KIF2A: variants seen among roughly 807,000 people sequenced by gnomAD.
KIF2A encodes kinesin family member 2A, also known as kinesin-like protein KIF2A.
Under a neutral mutation model 100.2 loss-of-function variants are expected in KIF2A, and 22 were observed. That is an observed-to-expected ratio of 0.22 (90% CI 0.16 to 0.31). The LOEUF (loss-of-function observed/expected upper bound fraction) is 0.31, where lower values mean the gene tolerates loss of function less well. KIF2A is among the 10% of genes least tolerant of loss of function. The probability of loss-of-function intolerance (pLI) is 1.00; values close to 1 mark genes in which losing one functional copy is unlikely to be tolerated. For missense variants in KIF2A, 495 were observed against 898.7 expected, an observed-to-expected ratio of 0.55 and a Z score of 5.74; for synonymous variants, 268 against 285.9, an observed-to-expected ratio of 0.94 and a Z score of 0.63.
intron 1 of KIF2A, among the ~76,000 whole-genome samples, chr5:62,312,594 GGATAAAACTAATTTT>G (rs539506751): frequency 6.6e-6 from 1 of 152,244 alleles, no homozygotes; most frequent in Non-Finnish European, 1.5e-5. Context: ...TTTAAACCTT[GGATAAAACTAATTTT>G]TATTCTTCTG....
intron 1 of KIF2A, among the ~76,000 whole-genome samples, chr5:62,326,448 A>G (rs1344393899): frequency 6.6e-6 from 1 of 152,036 alleles, no homozygotes; most frequent in East Asian, 1.9e-4. Flanking sequence ...CCAGTAAAGA[A>G]CTACAAGTCA....
chr5:62,314,811 G>T (rs1427647455), intron 1 of KIF2A, among the ~76,000 whole-genome samples: 1 of 136,494 alleles, frequency 7.3e-6, no homozygotes, highest in African/African-American at 2.8e-5. Context: ...CACCCAGGCT[G>T]TAGTGCAGTG....
chr5:62,373,390 A>G (rs1741402267), intron 17 of KIF2A, among the ~76,000 whole-genome samples: 2 of 151,734 alleles, frequency 1.3e-5, no homozygotes, highest in Admixed American at 1.3e-4. Flanking sequence ...AAAATTTTTT[A>G]AATCATAACA....
intron 9 of KIF2A, among the ~76,000 whole-genome samples, chr5:62,358,931 A>C (rs1665819378): frequency 6.6e-6 from 1 of 152,224 alleles, no homozygotes; most frequent in Admixed American, 6.5e-5. Flanking sequence ...TTGGCTTCCC[A>C]AAGTGCTGGG....
chr5:62,376,491 C>T (rs1741553462), intron 18 of KIF2A, among the ~76,000 whole-genome samples: 1 of 152,138 alleles, frequency 6.6e-6, no homozygotes, highest in African/African-American at 2.4e-5. Flanking sequence ...ACGATCTCAG[C>T]TTACTGCAAC....
At chr5:62,356,172 T>C (rs1440106914) in intron 7 of KIF2A, among the ~76,000 whole-genome samples, 2 of 152,234 alleles carry the variant, frequency 1.3e-5, no homozygotes, top group African/African-American at 4.8e-5. Flanking sequence ...ATGTGTTAGT[T>C]ACAAAAAAGA....
intron 1 of KIF2A, among the ~76,000 whole-genome samples, chr5:62,326,937 C>T (rs1408044893): frequency 6.6e-6 from 1 of 152,178 alleles, no homozygotes; most frequent in East Asian, 1.9e-4. Context: ...GCGGAGATTG[C>T]AGTGAGCCGA....
chr5:62,349,915 A>G, intron 3 of KIF2A, 151 bp from the exon 4 acceptor site: 1 of 560,974 alleles, frequency 1.8e-6, no homozygotes, highest in Non-Finnish European at 3.2e-6. Context: ...TGATAGCATT[A>G]ATAGTAATTC....
At chr5:62,353,699 A>G (rs1486892646) in intron 6 of KIF2A, among the ~76,000 whole-genome samples, 1 of 152,172 alleles carries the variant, frequency 6.6e-6, no homozygotes, top group African/African-American at 2.4e-5. Flanking sequence ...CTAAAAATAC[A>G]TTGGGAAAAA....
rs1395807022 is a variant in KIF2A at position 62,363,595 on chromosome 5, A to T, written c.1263-100A>T. 1.4e-5 allele frequency: 15 copies of T among 1,050,948 alleles called. No individual in the cohort carries two copies. In the East Asian group the frequency reaches 3.6e-4, roughly 25 times the overall value. 65.1% of individuals were successfully genotyped at this position (1,050,948 alleles called of 1,614,324 possible). Reference sequence around the variant, plus strand: ...TATTTAAAAGATGAAAACTAGCTAAATCGATGTTTTTGCTGCTGTTGTTTT... The same window carrying T: ...TATTTAAAAGATGAAAACTAGCTAATTCGATGTTTTTGCTGCTGTTGTTTT... On this transcript the variant is annotated intron_variant, in intron 13 of 20. Transcript: ENST00000407818.
chr5:62,361,751 G>A (rs1235890037), intron 11 of KIF2A, among the ~76,000 whole-genome samples: 1 of 151,414 alleles, frequency 6.6e-6, no homozygotes, highest in African/African-American at 2.4e-5. Context: ...GCTGGGTGTG[G>A]TGGTTCATGC....
chr5:62,363,823 G>C lies in KIF2A; in HGVS notation c.1391G>C (p.Gly464Ala). 6.2e-7 allele frequency: 1 copy of C among 1,613,904 alleles called. No homozygotes were observed. The highest frequency in any genetic ancestry group is 8.5e-7 in the Non-Finnish European group (1 of 1,179,838). The change falls in exon 14 of 21, where the codon GGA becomes GCA. Residue 464 changes from glycine (G) to alanine (A), a missense_variant. This residue lies in a region of KIF2A where 16 missense variants were observed against 78.1 expected (regional missense o/e 0.20). Coordinates refer to ENST00000407818, the MANE Select transcript of KIF2A (RefSeq NM_001098511.3). ...ATTGATTTGGCTGGAAATGAAAGAG[G>C]AGCTGATACTTCCAGTGCGGACAGG... The part of the protein sequence containing the change: ...SLIDLAGNER[G>A]ADTSSADRQT...
chr5:62,322,316 T>C (rs1746140930), intron 1 of KIF2A, among the ~76,000 whole-genome samples: 1 of 152,220 alleles, frequency 6.6e-6, no homozygotes, highest in Non-Finnish European at 1.5e-5. Flanking sequence ...TTTTTTCTCA[T>C]TCTGAGGGTT....
At chr5:62,367,538 A>G (rs962662025) in intron 16 of KIF2A, among the ~76,000 whole-genome samples, 4 of 152,120 alleles carry the variant, frequency 2.6e-5, no homozygotes, top group Admixed American at 1.3e-4. Context: ...AAGTGCTAGG[A>G]TTACAGGCGT....
intron 1 of KIF2A, among the ~76,000 whole-genome samples, chr5:62,340,697 CTTA>C (rs1014773071): frequency 2.0e-5 from 3 of 152,148 alleles, no homozygotes; most frequent in South Asian, 2.1e-4. Flanking sequence ...TTTCATGTAT[CTTA>C]TTATTGTTTC....
intron 1 of KIF2A, among the ~76,000 whole-genome samples, chr5:62,307,828 G>A (rs929996365): frequency 4.6e-5 from 7 of 152,114 alleles, no homozygotes; most frequent in Admixed American, 4.6e-4. Flanking sequence ...ATGTTGACAA[G>A]GCTGGTCTCG....
At chr5:62,327,219 T>G (rs1161402790) in intron 1 of KIF2A, among the ~76,000 whole-genome samples, 1 of 152,214 alleles carries the variant, frequency 6.6e-6, no homozygotes, top group Admixed American at 6.5e-5. Flanking sequence ...CTCTTAGTGG[T>G]CAAATCCACT....
chr5:62,348,016 C>T (rs1747663199), intron 2 of KIF2A, 32 bp from the exon 3 acceptor site: 1 of 1,598,876 alleles, frequency 6.3e-7, no homozygotes, highest in Non-Finnish European at 8.5e-7. Flanking sequence ...AAAATATACT[C>T]TCAAAAGACT....
chr5:62,312,367 G>C (rs1183706988), intron 1 of KIF2A, among the ~76,000 whole-genome samples: 1 of 152,214 alleles, frequency 6.6e-6, no homozygotes, highest in Non-Finnish European at 1.5e-5. Flanking sequence ...GGAAAATCCA[G>C]AACAAGATTC....
Sources: allele counts gnomAD v4.1 joint callset (sites outside exome capture counted in the v4.1 genomes callset), GRCh38; gene constraint gnomAD v4.1.1; regional missense constraint gnomAD v4.1.1; transcripts MANE v1.5; gene names NCBI Gene and HGNC (gene_info 2026-07-23, HGNC 2026-07-21).